The following DLG2 variants were observed in gnomAD, a reference collection of about 807,000 sequenced individuals.
The protein encoded by DLG2 is disks large homolog 2.
In DLG2, 45 loss-of-function variants were observed where a neutral mutation model predicts 132.5. The observed-to-expected ratio is 0.34, with a 90% CI of 0.27 to 0.44. The LOEUF (loss-of-function observed/expected upper bound fraction) is 0.44, where lower values mean the gene tolerates loss of function less well. Among genes scored for constraint, DLG2 ranks in the 20% least tolerant of loss-of-function variants. The probability of loss-of-function intolerance (pLI) is 1.00; values close to 1 mark genes in which losing one functional copy is unlikely to be tolerated. For synonymous variants in DLG2, 424 were observed against 419.6 expected (o/e 1.01, Z -0.13); for missense variants, 1,045 against 1,196.9 (o/e 0.87, Z 1.87).
chr11:83,983,017 G>T (rs950891811), intron 11 of DLG2, among the ~76,000 whole-genome samples: 1 of 152,000 alleles, frequency 6.6e-6, no homozygotes, highest in Admixed American at 6.6e-5. Context: ...TGCTAAGTAC[G>T]CTCTATTATG....
At chr11:84,839,411 A>G (rs2080283120) in intron 6 of DLG2, among the ~76,000 whole-genome samples, 1 of 152,152 alleles carries the variant, frequency 6.6e-6, no homozygotes, top group African/African-American at 2.4e-5. Flanking sequence ...GAAAATGGCC[A>G]TACTTCCCAA....
intron 4 of DLG2, among the ~76,000 whole-genome samples, chr11:85,220,138 G>A (rs888666835): frequency 2.6e-5 from 4 of 152,014 alleles, no homozygotes; most frequent in African/African-American, 9.7e-5. Flanking sequence ...GTGAGCAGTG[G>A]GGGGAGACAG....
chr11:85,002,990 A>C (rs2058345202), intron 6 of DLG2, among the ~76,000 whole-genome samples: 1 of 152,094 alleles, frequency 6.6e-6, no homozygotes, highest in Admixed American at 6.6e-5. Flanking sequence ...AACTTACAAA[A>C]TATTGTTAAT....
intron 7 of DLG2, among the ~76,000 whole-genome samples, chr11:84,343,117 A>T (rs1294926197): frequency 6.6e-6 from 1 of 152,204 alleles, no homozygotes; most frequent in African/African-American, 2.4e-5. Context: ...CAGAGGAAAT[A>T]ACTGTCTGGA....
intron 19 of DLG2, among the ~76,000 whole-genome samples, chr11:83,624,023 C>A (rs796698500): frequency 1.3e-5 from 2 of 152,280 alleles, no homozygotes; most frequent in African/African-American, 4.8e-5. Context: ...ATATGATTAC[C>A]ATGGGATTAG....
chr11:84,897,841 C>T (rs998956067), intron 6 of DLG2, among the ~76,000 whole-genome samples: 1 of 151,512 alleles, frequency 6.6e-6, no homozygotes, highest in Non-Finnish European at 1.5e-5. Context: ...TGGATCTGGC[C>T]GTGTAAAAAA....
chr11:83,825,169 ATATTTTTTTTTTTT>A (rs1332529881), intron 17 of DLG2, among the ~76,000 whole-genome samples: 208 of 91,204 alleles, frequency 2.3e-3, no homozygotes, highest in African/African-American at 8.5e-3. Context: ...ATATATATAT[ATATTTTTTTTTTTT>A]TTTTTTTTTT....
At chr11:84,042,446 T>G (rs1479844546) in intron 11 of DLG2, among the ~76,000 whole-genome samples, 1 of 151,884 alleles carries the variant, frequency 6.6e-6, no homozygotes, top group Non-Finnish European at 1.5e-5. Flanking sequence ...TTTTCTTGCA[T>G]AAAATTTTTG....
At chr11:85,623,496 G>T (rs2081870801) in intron 2 of DLG2, among the ~76,000 whole-genome samples, 1 of 152,006 alleles carries the variant, frequency 6.6e-6, no homozygotes, top group Admixed American at 6.6e-5. Context: ...GTAGAGATGG[G>T]GTTTCACCAC....
chr11:83,989,084 C>T lies in DLG2; in HGVS notation c.920-8442G>A, dbSNP rs536697719. Among the ~76,000 whole-genome samples, 12 of 152,010 alleles carry T rather than the reference C, an allele frequency of 7.9e-5. No homozygotes were observed. The South Asian group carries it at 2.5e-3, about 32-fold the overall frequency. On this transcript the variant is annotated intron_variant, in intron 11 of 27. Coordinates refer to ENST00000376104, the MANE Select transcript of DLG2 (RefSeq NM_001142699.3). ...TGAATATAAGAGGACAAGGAAAGTC[C>T]CATGTCTCTGAGAAAGTCCCCCCTT...
At chr11:83,503,369 T>A (rs958324386) in intron 21 of DLG2, among the ~76,000 whole-genome samples, 40 of 90,674 alleles carry the variant, frequency 4.4e-4, no homozygotes, top group East Asian at 2.6e-3. Context: ...ACACACCCAT[T>A]TATATATATA....
intron 9 of DLG2, among the ~76,000 whole-genome samples, chr11:84,127,683 C>T (rs1265772568): frequency 6.6e-6 from 1 of 152,138 alleles, no homozygotes; most frequent in Non-Finnish European, 1.5e-5. Context: ...ATCTTCCTGC[C>T]TCCACCTTCA....
Position 84,607,452 on chromosome 11 carries a change from T to G in DLG2, c.358-72721A>C, listed in dbSNP as rs567876249. Among the ~76,000 whole-genome samples, 6 of 152,160 alleles carry G rather than the reference T, an allele frequency of 3.9e-5. No homozygotes were observed. The South Asian group carries it at 1.2e-3, about 32-fold the overall frequency. On this transcript the variant is annotated intron_variant, in intron 6 of 27. Coordinates refer to ENST00000376104, the MANE Select transcript of DLG2 (RefSeq NM_001142699.3). ...ATAATGATGTCCTCATAAGGAAAGATGTAAGATTTTTGGGGGGGCAGGGAG... is the reference window on the plus strand; with the variant it reads ...ATAATGATGTCCTCATAAGGAAAGAGGTAAGATTTTTGGGGGGGCAGGGAG...
intron 11 of DLG2, among the ~76,000 whole-genome samples, chr11:83,994,025 T>C (rs781523468): frequency 6.6e-6 from 1 of 152,152 alleles, no homozygotes; most frequent in Non-Finnish European, 1.5e-5. Flanking sequence ...TAACATCTCC[T>C]CTGAAAAGTT....
intron 6 of DLG2, among the ~76,000 whole-genome samples, chr11:85,087,219 A>G (rs2068053935): frequency 6.6e-6 from 1 of 152,234 alleles, no homozygotes; most frequent in African/African-American, 2.4e-5. Context: ...AAGCAAATAA[A>G]GGTACAATTA....
intron 3 of DLG2, among the ~76,000 whole-genome samples, chr11:85,417,903 A>AT (rs896664426): frequency 3.3e-5 from 5 of 151,770 alleles, no homozygotes; most frequent in Non-Finnish European, 7.4e-5. Context: ...GGATTCATTG[A>AT]TTTTTTTGAA....
Position 84,003,180 on chromosome 11 carries a change from A to G in DLG2, c.920-22538T>C, listed in dbSNP as rs547187636. Among the ~76,000 whole-genome samples, 10 of 152,246 alleles carry G rather than the reference A, an allele frequency of 6.6e-5. No individual in the cohort carries two copies. In the South Asian group the frequency reaches 2.1e-3, roughly 32 times the overall value. ...AAGTTCTTCATCTCCATCTGAGACC[A>G]CCTAAGCTTGGACTTCATTGTCCAT... On this transcript the variant is annotated intron_variant, in intron 11 of 27. Coordinates refer to ENST00000376104, the MANE Select transcript of DLG2 (RefSeq NM_001142699.3).
intron 6 of DLG2, among the ~76,000 whole-genome samples, chr11:84,779,671 A>C (rs1486210115): frequency 6.6e-6 from 1 of 152,182 alleles, no homozygotes; most frequent in Non-Finnish European, 1.5e-5. Flanking sequence ...CCAAATAAAC[A>C]AAATCAGAAA....
At chr11:84,795,415 G>A (rs79022123) in intron 6 of DLG2, among the ~76,000 whole-genome samples, 10,362 of 152,044 alleles carry the variant, frequency 0.068, 463 homozygotes, top group Middle Eastern at 0.12. Context: ...TGTCTGTGGA[G>A]GGGAGCTACC....
Sources: allele counts gnomAD v4.1 joint callset (sites outside exome capture counted in the v4.1 genomes callset), GRCh38; gene constraint gnomAD v4.1.1; transcripts MANE v1.5; gene names NCBI Gene and HGNC (gene_info 2026-07-23, HGNC 2026-07-21).